PADI6: variants seen among roughly 807,000 people sequenced by gnomAD.
PADI6 encodes inactive protein-arginine deiminase type-6.
A neutral mutation model predicts 78.2 loss-of-function variants in PADI6; 66 were observed. The ratio of observed to expected loss-of-function variants is 0.84; its 90% CI spans 0.69 to 1.04. PADI6 has a LOEUF of 1.04. Among genes scored for constraint, PADI6 ranks in the 50% least tolerant of loss-of-function variants. The pLI is 0.00. For missense variants in PADI6, 854 were observed against 866.1 expected (o/e 0.99, Z 0.18); for synonymous variants, 397 against 346.9 (o/e 1.14, Z -1.60).
At chr1:17,379,880 C>T in intron 3 of PADI6, 40 bp from the exon 4 acceptor site, 1 of 1,580,846 alleles carries the variant, frequency 6.3e-7, no homozygotes, top group Non-Finnish European at 8.7e-7. Flanking sequence ...TTCCATCTGG[C>T]AGGTCAAGGT....
At chr1:17,400,312 G>A (rs956442838) in intron 15 of PADI6, among the ~76,000 whole-genome samples, 1 of 151,896 alleles carries the variant, frequency 6.6e-6, no homozygotes, top group African/African-American at 2.4e-5. Context: ...TCAGGACTGC[G>A]AGACCAGCCT....
intron 6 of PADI6, among the ~76,000 whole-genome samples, chr1:17,383,106 A>G (rs2075088659): frequency 6.6e-6 from 1 of 152,106 alleles, no homozygotes; most frequent in Non-Finnish European, 1.5e-5. Flanking sequence ...TGTCTTGTAA[A>G]CCATGCTTAG....
chr1:17,377,276 C>T (rs956265932), intron 3 of PADI6, among the ~76,000 whole-genome samples: 7 of 151,334 alleles, frequency 4.6e-5, no homozygotes, highest in Admixed American at 6.6e-5. Context: ...GCATGAGCCA[C>T]GTACCTGCTG....
chr1:17,390,664 T>C (rs2526840), intron 8 of PADI6, among the ~76,000 whole-genome samples: 45,467 of 151,652 alleles, frequency 0.3, 7,166 homozygotes, highest in Middle Eastern at 0.41. Flanking sequence ...CCAGACAGCT[T>C]TTCCAGGGCA....
At chr1:17,398,648 T>TGGGGGGGGGGGGGGG in intron 14 of PADI6, 38 bp from the exon 15 acceptor site, 1 of 193,326 alleles carries the variant, frequency 5.2e-6, no homozygotes, top group Non-Finnish European at 9.0e-6. Context: ...CTCTCCTTGC[T>TGGGGGGGGGGGGGGG]CCCCCGCCCC....
chr1:17,379,825 G>A, intron 3 of PADI6, 95 bp from the exon 4 acceptor site: 2 of 1,071,216 alleles, frequency 1.9e-6, no homozygotes, highest in Non-Finnish European at 2.8e-6. Context: ...ATGCCCTGAT[G>A]CCAGCCTTGG....
At chr1:17,386,796 G>A (rs1055776508) in intron 6 of PADI6, among the ~76,000 whole-genome samples, 7 of 152,314 alleles carry the variant, frequency 4.6e-5, no homozygotes, top group Admixed American at 1.3e-4. Context: ...CGGGAGGGCT[G>A]CTGGGGCTCT....
chr1:17,374,283 C>A (rs2074994257), intron 2 of PADI6, among the ~76,000 whole-genome samples: 1 of 152,028 alleles, frequency 6.6e-6, no homozygotes, highest in Non-Finnish European at 1.5e-5. Flanking sequence ...GCGCTGTGTG[C>A]CCAGGGCAGG....
chr1:17,394,042 A>G lies in PADI6; in HGVS notation c.1142A>G (p.Gln381Arg), dbSNP rs779520691. 1.2e-6 allele frequency: 2 copies of G among 1,613,894 alleles called. No homozygotes were observed. Among genetic ancestry groups the G allele is most frequent in the Non-Finnish European group, 1.7e-6 (2 of 1,179,872 alleles). The change falls in exon 10 of 16, where the codon CAG (glutamine) becomes CGG (arginine). Residue 381 changes from glutamine to arginine, a missense_variant. Gln to Arg is a conservative substitution (Grantham distance 43). Transcript: ENST00000619609. Reference protein sequence around the residue: ...KTTSLILDTPQAADLDEFPMK... With the variant: ...KTTSLILDTPRAADLDEFPMK... ...ACGTCCTTGATCCTCGACACACCTCAGGCCGCCGATCTCGATGAGTTCCCC... is the reference window on the plus strand; with the variant it reads ...ACGTCCTTGATCCTCGACACACCTCGGGCCGCCGATCTCGATGAGTTCCCC...
rs926024903 is a variant in PADI6, at chr1:17,377,879, G to A, written c.368-2041G>A. Among the ~76,000 whole-genome samples the A allele has an allele frequency of 7.9e-5, 12 of 152,154 alleles. No individual in the cohort carries two copies. In the East Asian group the frequency reaches 1.4e-3, roughly 17 times the overall value. On this transcript the variant is annotated intron_variant, in intron 3 of 15. Coordinates refer to ENST00000619609, the MANE Select transcript of PADI6 (RefSeq NM_207421.4). ...GTGGTACATCTTTAAGTGGAATATTGGAATAACGCCTTCCAACTGCTTCCA... is the reference window on the plus strand; with the variant it reads ...GTGGTACATCTTTAAGTGGAATATTAGAATAACGCCTTCCAACTGCTTCCA...
Position 17,378,203 on chromosome 1 carries a change from T to G in PADI6, c.368-1717T>G, listed in dbSNP as rs1232555736. 2.0e-5 allele frequency among the ~76,000 whole-genome samples: 3 copies of G among 152,186 alleles called. No homozygotes were observed. The East Asian group carries it at 5.8e-4, about 29-fold the overall frequency. On this transcript the variant is annotated intron_variant, in intron 3 of 15. Transcript: ENST00000619609. ...TACCCTCGCTCCATTCCTTCTCCCA[T>G]ATCCCTCAGTGCTTATTGCTATCAA... is the stretch of plus-strand genomic sequence containing the variant.
chr1:17,387,334 A>C (rs1026427349), intron 6 of PADI6, among the ~76,000 whole-genome samples: 1 of 151,980 alleles, frequency 6.6e-6, no homozygotes, highest in African/African-American at 2.4e-5. Flanking sequence ...AGTCCTAGCT[A>C]CTCAGGAAGC....
chr1:17,379,866 G>T (rs1328802734), intron 3 of PADI6, 54 bp from the exon 4 acceptor site: 3 of 1,525,904 alleles, frequency 2.0e-6, no homozygotes, highest in Non-Finnish European at 2.7e-6. Flanking sequence ...CTATAACTTT[G>T]AGGTTCCATC....
chr1:17,390,091 G>A (rs999737331), intron 8 of PADI6, among the ~76,000 whole-genome samples: 5 of 152,062 alleles, frequency 3.3e-5, no homozygotes, highest in Non-Finnish European at 7.4e-5. Flanking sequence ...CTGAGGGTCG[G>A]AAGTTCGAGA....
Position 17,394,141 on chromosome 1 carries a change from C to T in PADI6, c.1182+59C>T, listed in dbSNP as rs2075221027. On this transcript the variant is annotated intron_variant, in intron 10 of 15. Coordinates refer to ENST00000619609, the MANE Select transcript of PADI6 (RefSeq NM_207421.4). The stretch of plus-strand genomic sequence containing the variant: ...TCCAATCTCTCAGGCCTGGGGCCTG[C>T]CTAGAAATAATGGGGCACCAAGTGG... 7.0e-6 allele frequency: 11 copies of T among 1,577,288 alleles called. No individual in the cohort carries two copies. In the South Asian group the frequency reaches 1.0e-4, roughly 14 times the overall value.
chr1:17,384,645 G>A lies in PADI6; in HGVS notation c.679+2553G>A, dbSNP rs539863362. On this transcript the variant is annotated intron_variant, in intron 6 of 15. Coordinates refer to ENST00000619609, the MANE Select transcript of PADI6 (RefSeq NM_207421.4). ...TCCTAGCTACTCAGGAGACTGAGGC[G>A]GGAGGATCATGTGAACCCGGGAGGC... Among the ~76,000 whole-genome samples, 114 of 151,910 alleles carry A rather than the reference G, an allele frequency of 7.5e-4. No individual in the cohort carries two copies. The South Asian group carries it at 0.01, about 14-fold the overall frequency.
In PADI6 at chr1:17,394,024, T is replaced by C. The variant is rs1470278066; in HGVS notation, c.1124T>C (p.Leu375Ser). The change falls in exon 10 of 16, where the codon TTG becomes TCG. Residue 375 changes from leucine to serine, a missense_variant. Transcript: ENST00000619609. ...CAGGCTCCCCACAAGACAACGTCCT[T>C]GATCCTCGACACACCTCAGGCCGCC... is the stretch of plus-strand genomic sequence containing the variant. ...YTQAPHKTTS[L>S]ILDTPQAADL... 3.7e-6 allele frequency: 6 copies of C among 1,613,930 alleles called. No homozygotes were observed. The highest frequency in any genetic ancestry group is 4.2e-6 in the Non-Finnish European group (5 of 1,179,872).
intron 2 of PADI6, among the ~76,000 whole-genome samples, chr1:17,374,055 C>T (rs1193728534): frequency 2.0e-5 from 3 of 152,092 alleles, no homozygotes; most frequent in East Asian, 1.9e-4. Context: ...ACCCAGGCCA[C>T]ACCCCCTCTA....
At position 17,381,131 on chromosome 1, in the gene PADI6, G is replaced by A; in HGVS notation, c.520G>A (p.Asp174Asn). ...TGCTGATGTGGGCCAGCAACTTGAG[G>A]ACAAGAAAACCAAGAAAGTGATCTT... ...NPADVGQQLE[D>N]KKTKKVIFSE... is the part of the protein sequence containing the mutation. The change falls in exon 5 of 16, where the codon GAC (aspartate) becomes AAC (asparagine). Residue 174 changes from aspartate to asparagine, a missense_variant. By Grantham distance (23) the Asp-to-Asn change is conservative. Transcript: ENST00000619609. The A allele has an allele frequency of 6.2e-7, 1 of 1,609,058 alleles. No homozygotes were observed. Among genetic ancestry groups the A allele is most frequent in the Non-Finnish European group, 8.5e-7 (1 of 1,177,894 alleles).
Sources: allele counts gnomAD v4.1 joint callset (sites outside exome capture counted in the v4.1 genomes callset), GRCh38; gene constraint gnomAD v4.1.1; transcripts MANE v1.5; gene names NCBI Gene and HGNC (gene_info 2026-07-23, HGNC 2026-07-21).